The following GAD2 variants were observed in gnomAD, a reference collection of about 807,000 sequenced individuals.
GAD2 encodes 65 kDa glutamic acid decarboxylase.
In GAD2, 22 loss-of-function variants were observed where a neutral mutation model predicts 80.1. The observed-to-expected ratio is 0.27, with a 90% CI of 0.20 to 0.39. GAD2 has a LOEUF of 0.39. GAD2 is among the 10% of genes least tolerant of loss of function. The pLI is 1.00. For missense variants in GAD2, 624 were observed against 738.4 expected (o/e 0.85, Z 1.80); for synonymous variants, 274 against 256.9 (o/e 1.07, Z -0.64).
chr10:26,241,787 C>A (rs1301928487), intron 7 of GAD2, among the ~76,000 whole-genome samples: 2 of 151,800 alleles, frequency 1.3e-5, no homozygotes, highest in African/African-American at 4.8e-5. Flanking sequence ...GGAAGAGGGC[C>A]TTTTGGCCCT....
intron 7 of GAD2, among the ~76,000 whole-genome samples, chr10:26,234,161 T>C (rs1844641281): frequency 6.6e-6 from 1 of 151,738 alleles, no homozygotes; most frequent in South Asian, 2.1e-4. Context: ...CCGTCTCTAC[T>C]GAAAATACAA....
At chr10:26,276,709 C>A (rs1467270205) in intron 11 of GAD2, among the ~76,000 whole-genome samples, 1 of 152,192 alleles carries the variant, frequency 6.6e-6, no homozygotes, top group Non-Finnish European at 1.5e-5. Context: ...ACTGACGCGT[C>A]TTTAGTCTCT....
Position 26,238,700 on chromosome 10 carries a change from T to TC in GAD2, c.841-7217dup, listed in dbSNP as rs1844705321. Among the ~76,000 whole-genome samples the TC allele has an allele frequency of 3.3e-5, 5 of 152,266 alleles. No homozygotes were observed. The South Asian group carries it at 1.0e-3, about 32-fold the overall frequency. The stretch of plus-strand genomic sequence containing the variant: ...CTAAAAATGTGTCTGGGAGGTCCCC[T>TC]CCCCTCCAGATCATTATAATTAGAA... On this transcript the variant is annotated intron_variant, in intron 7 of 15. Transcript: ENST00000376261.
intron 8 of GAD2, among the ~76,000 whole-genome samples, chr10:26,257,648 G>C (rs1393205799): frequency 1.3e-5 from 2 of 152,116 alleles, no homozygotes; most frequent in Non-Finnish European, 2.9e-5. Flanking sequence ...ACTACTAGTA[G>C]GTATTAGCTA....
At chr10:26,267,546 G>A (rs753246894) in intron 8 of GAD2, among the ~76,000 whole-genome samples, 9 of 152,120 alleles carry the variant, frequency 5.9e-5, no homozygotes, top group Non-Finnish European at 1.0e-4. Context: ...CCAAAGGTAG[G>A]CTGCCCTAAT....
chr10:26,245,565 G>A (rs1360722025), intron 7 of GAD2, among the ~76,000 whole-genome samples: 3 of 151,806 alleles, frequency 2.0e-5, no homozygotes, highest in African/African-American at 4.8e-5. Flanking sequence ...AGCCTCCTGA[G>A]TAGCTGGAAT....
Position 26,225,458 on chromosome 10 carries a change from C to T in GAD2, c.724+807C>T, listed in dbSNP as rs8190619. On this transcript the variant is annotated intron_variant, in intron 6 of 15. Transcript: ENST00000376261. ...ACCCATGGAAAAGAAACCCGATGTG[C>T]AGACCATCAGCTAATCAGTGGCAGG... 2.5e-4 allele frequency among the ~76,000 whole-genome samples: 38 copies of T among 152,298 alleles called. 1 individual carries two copies. The East Asian group carries it at 5.0e-3, about 20-fold the overall frequency.
intron 8 of GAD2, among the ~76,000 whole-genome samples, chr10:26,260,000 T>A (rs77896984): frequency 0.017 from 2,516 of 152,304 alleles, 54 homozygotes; most frequent in African/African-American, 0.057. Flanking sequence ...CTAGATATAA[T>A]CTGTCATAGT....
intron 8 of GAD2, among the ~76,000 whole-genome samples, chr10:26,260,657 G>T (rs1844998645): frequency 6.6e-6 from 1 of 151,948 alleles, no homozygotes; most frequent in African/African-American, 2.4e-5. Flanking sequence ...TCCAGACGTA[G>T]AATTTCTGAG....
chr10:26,296,504 C>G (rs1434172211), intron 15 of GAD2, among the ~76,000 whole-genome samples: 19 of 152,210 alleles, frequency 1.2e-4, no homozygotes, highest in Non-Finnish European at 1.5e-5. Context: ...TCCTGCTGCT[C>G]TGTCAGGACT....
rs1460668960 is a variant in GAD2 at position 26,216,813 on chromosome 10, G to A, written c.4G>A (p.Ala2Thr). The change falls in exon 1 of 16, where the codon GCA (alanine) becomes ACA (threonine). Residue 2 changes from alanine (A) to threonine (T), a missense_variant. Physicochemically the swap from Ala to Thr is moderately conservative, Grantham distance 58. Coordinates refer to ENST00000376261, the MANE Select transcript of GAD2 (RefSeq NM_001134366.2). The surrounding 1 kb of genome is among the most constrained non-coding windows in gnomAD (Gnocchi z 4.7). The stretch of plus-strand genomic sequence containing the variant: ...CCTGCTCCAGTCTCCAAAGCCGATG[G>A]CATCTCCGGGCTCTGGCTTTTGGTC... The part of the protein sequence containing the change: M[A>T]SPGSGFWSFG... 1 of 1,612,222 alleles carries A rather than the reference G, an allele frequency of 6.2e-7. No individual in the cohort carries two copies. The highest frequency in any genetic ancestry group is 2.2e-5 in the East Asian group (1 of 44,696).
chr10:26,239,758 G>A (rs993934872), intron 7 of GAD2, among the ~76,000 whole-genome samples: 1 of 152,132 alleles, frequency 6.6e-6, no homozygotes, highest in Non-Finnish European at 1.5e-5. Flanking sequence ...AATGAGGGAG[G>A]GAACCATGTA....
intron 5 of GAD2, 54 bp downstream of exon 5, chr10:26,224,031 C>T: frequency 8.0e-7 from 1 of 1,255,624 alleles, no homozygotes; most frequent in Non-Finnish European, 1.2e-6. Flanking sequence ...AGTGACATTC[C>T]ATAGTCTTTA....
At chr10:26,235,084 G>C (rs1844654703) in intron 7 of GAD2, among the ~76,000 whole-genome samples, 1 of 152,198 alleles carries the variant, frequency 6.6e-6, no homozygotes, top group Non-Finnish European at 1.5e-5. Flanking sequence ...ATGTTGGCCA[G>C]GCTGGTCTCG....
chr10:26,285,008 C>T (rs1845316275), intron 12 of GAD2, among the ~76,000 whole-genome samples: 1 of 152,122 alleles, frequency 6.6e-6, no homozygotes, highest in Non-Finnish European at 1.5e-5. Context: ...GCTTGCATGG[C>T]CTGAGGAATA....
intron 7 of GAD2, among the ~76,000 whole-genome samples, chr10:26,244,179 T>G (rs554751876): frequency 8.0e-4 from 122 of 152,284 alleles, no homozygotes; most frequent in African/African-American, 2.8e-3. Flanking sequence ...CGAAGCATAA[T>G]GAGTTGCCAT....
chr10:26,268,037 C>T (rs1240855578), intron 8 of GAD2, among the ~76,000 whole-genome samples: 10 of 152,192 alleles, frequency 6.6e-5, no homozygotes, highest in African/African-American at 2.2e-4. Flanking sequence ...ATGCCAATAG[C>T]ATCCCACAAC....
At chr10:26,253,786 A>G (rs1844910220) in intron 8 of GAD2, among the ~76,000 whole-genome samples, 1 of 152,210 alleles carries the variant, frequency 6.6e-6, no homozygotes, top group Non-Finnish European at 1.5e-5. Flanking sequence ...CAGTTCTGCA[A>G]CTAGGGGAAG....
At chr10:26,219,826 C>T (rs1844431288) in intron 4 of GAD2, among the ~76,000 whole-genome samples, 1 of 152,038 alleles carries the variant, frequency 6.6e-6, no homozygotes, top group Non-Finnish European at 1.5e-5. Flanking sequence ...AGGAAATGTG[C>T]ACAACACACA....
Sources: allele counts gnomAD v4.1 joint callset (sites outside exome capture counted in the v4.1 genomes callset), GRCh38; gene constraint gnomAD v4.1.1; non-coding constraint Gnocchi (gnomAD v3.1); transcripts MANE v1.5; gene names NCBI Gene and HGNC (gene_info 2026-07-23, HGNC 2026-07-21).